The following OBSL1 variants were observed in gnomAD, a reference collection of about 807,000 sequenced individuals.
OBSL1 encodes the protein obscurin-like protein 1.
A neutral mutation model predicts 172.0 loss-of-function variants in OBSL1; 160 were observed. The ratio of observed to expected loss-of-function variants is 0.93; its 90% CI spans 0.82 to 1.06. The LOEUF (loss-of-function observed/expected upper bound fraction) is 1.06. Ranked by LOEUF, OBSL1 falls within the 50% of genes least tolerant of loss-of-function variation. OBSL1 has a pLI of 0.00. For missense variants in OBSL1, 2,681 were observed against 2,715.4 expected, an observed-to-expected ratio of 0.99 and a Z score of 0.28; for synonymous variants, 1,200 against 1,196.3, an observed-to-expected ratio of 1.00 and a Z score of -0.06.
In OBSL1 at chr2:219,553,004, A is replaced by G. The variant is rs1695747044; in HGVS notation, c.5010T>C (p.Pro1670=). Residue 1670 remains proline, a synonymous_variant, in exon 17 of 21, where the codon CCT becomes CCC. Coordinates refer to ENST00000404537, the MANE Select transcript of OBSL1 (RefSeq NM_015311.3). ...TWEKDGNALT[P]SPRLRLQALG... ...GGGCCTGGAGCCGGAGCCGCGGGCT[A>G]GGCGTAAGCGCGTTCCCGTCCTAGG... 1.3e-6 allele frequency: 2 copies of G among 1,522,976 alleles called. No homozygotes were observed. The highest frequency in any genetic ancestry group is 1.8e-6 in the Non-Finnish European group (2 of 1,140,718). 94.3% of individuals were successfully genotyped at this position (1,522,976 alleles called of 1,614,324 possible). A position where few individuals can be genotyped will look rare whatever the true frequency, so the allele number is the denominator to read the frequency against.
At position 219,558,374 on chromosome 2, in the gene OBSL1, C is replaced by T. The variant is rs1447230203; in HGVS notation, c.3312G>A (p.Glu1104=). 1 of 1,611,208 alleles carries T rather than the reference C, an allele frequency of 6.2e-7. No homozygotes were observed. ...GAPGRVELRC[E]VAPAGSQVRW... is the part of the protein sequence containing the mutation. ...GCACCTGAGACCCAGCTGGGGCCAC[C>T]TCACAGCGCAGCTCCACGCGCCCTG... Residue 1104 remains glutamate (E), a synonymous_variant, in exon 10 of 21, where the codon GAG becomes GAA. Coordinates refer to ENST00000404537, the MANE Select transcript of OBSL1 (RefSeq NM_015311.3).
downstream of OBSL1, chr2:219,549,434 G>A (rs1042398248): frequency 6.7e-6 from 10 of 1,494,712 alleles, no homozygotes; most frequent in African/African-American, 2.8e-5. Flanking sequence ...CTTTCCCCAC[G>A]GGCTGGTTGC....
Position 219,571,004 on chromosome 2 carries a change from T to TGGGCAGTGCGGCGGTCAGCAGC in OBSL1, c.207_228dup (p.Thr77AlafsTer184). 7.1e-7 allele frequency: 1 copy of TGGGCAGTGCGGCGGTCAGCAGC among 1,416,594 alleles called. No individual in the cohort carries two copies. The highest frequency in any genetic ancestry group is 9.2e-7 in the Non-Finnish European group (1 of 1,085,476). 87.8% of individuals were successfully genotyped at this position (1,416,594 alleles called of 1,614,324 possible). On this transcript the variant is annotated frameshift_variant, in exon 1 of 21. Transcript: ENST00000404537. LOFTEE classifies it high-confidence loss of function. ...CGGCACACGTAGACCCCCGCGTCGGTGGGCAGTGCGGCGGTCAGCAGCAGG... is the reference window on the plus strand; with the variant it reads ...CGGCACACGTAGACCCCCGCGTCGGTGGGCAGTGCGGCGGTCAGCAGCGGGCAGTGCGGCGGTCAGCAGCAGG...
At position 219,557,258 on chromosome 2, in the gene OBSL1, G is replaced by A. The variant is rs890677772; in HGVS notation, c.4066+85C>T. 101 of 1,321,876 alleles carry A rather than the reference G, an allele frequency of 7.6e-5. No individual in the cohort carries two copies. The Middle Eastern group carries it at 9.7e-4, about 13-fold the overall frequency. The allele number at this position is 1,321,876 out of a possible 1,614,324, so 81.9% of individuals were successfully genotyped here. A position where few individuals can be genotyped will look rare whatever the true frequency, so the allele number is the denominator to read the frequency against. On this transcript the variant is annotated intron_variant, in intron 12 of 20. Coordinates refer to ENST00000404537, the MANE Select transcript of OBSL1 (RefSeq NM_015311.3). Reference sequence around the variant, plus strand: ...GTTGGAGCCAGAAGCAGCAAAGCGGGGGTGGAGGAGTAAGGGGGCCCTAGA... The same window carrying A: ...GTTGGAGCCAGAAGCAGCAAAGCGGAGGTGGAGGAGTAAGGGGGCCCTAGA...
chr2:219,557,106 C>T, intron 12 of OBSL1: 2 of 500,686 alleles, frequency 4.0e-6, no homozygotes, highest in Non-Finnish European at 6.9e-6. Context: ...AGAATCTAGG[C>T]TGGAACCTGG....
In OBSL1 at chr2:219,559,455, A is replaced by C. The variant is rs1252475821; in HGVS notation, c.2996T>G (p.Leu999Trp). The C allele has an allele frequency of 6.2e-7, 1 of 1,613,716 alleles. No individual in the cohort carries two copies. The highest frequency in any genetic ancestry group is 8.5e-7 in the Non-Finnish European group (1 of 1,179,800). Residue 999 changes from leucine (L) to tryptophan (W), a missense_variant, in exon 9 of 21, where the codon TTG becomes TGG. By Grantham distance (61) the Leu-to-Trp change is moderately conservative (BLOSUM62 -2). This residue lies in a region of OBSL1 where 1,765 missense variants were observed against 1,748.3 expected (regional missense o/e 1.01). Transcript: ENST00000404537. ...CACACACTCCAAGGTCACGGCGATC[A>C]AGGTCACCTCATCGCGAGGGTATAT... Reference protein sequence around the residue: ...RIIYPRDEVTLIAVTLECVVL... With the variant: ...RIIYPRDEVTWIAVTLECVVL...
At chr2:219,551,155 G>A (rs1165309466) in intron 20 of OBSL1, 5 of 1,397,150 alleles carry the variant, frequency 3.6e-6, no homozygotes, top group South Asian at 1.6e-5. Context: ...GGCAAGCTGG[G>A]CAGAGGGCAG....
At chr2:219,554,446 A>C (rs533575462) in intron 15 of OBSL1, 28 bp downstream of exon 15, 1 of 1,609,500 alleles carries the variant, frequency 6.2e-7, no homozygotes, top group East Asian at 2.2e-5. Context: ...ACAGGTCAGC[A>C]GGCAGGCTGT....
chr2:219,565,580 C>G, intron 5 of OBSL1, 66 bp from the exon 6 acceptor site: 2 of 1,503,568 alleles, frequency 1.3e-6, no homozygotes, highest in Non-Finnish European at 1.8e-6. Context: ...TCGGATGCAT[C>G]AGAGGGAACA....
In OBSL1 at chr2:219,562,890, C is replaced by T. The variant is rs1696593318; in HGVS notation, c.2681-216G>A. On this transcript the variant is annotated intron_variant, in intron 7 of 20. Transcript: ENST00000404537. ...CAGACTTTCTGCTGCGCAGGAGCTG[C>T]ACAGAGGGGACCACGGGGTCAGCCT... 1.0e-5 allele frequency: 6 copies of T among 601,944 alleles called. No individual in the cohort carries two copies. In the South Asian group the frequency reaches 1.3e-4, roughly 14 times the overall value. The allele number at this position is 601,944 out of a possible 1,614,324, so 37.3% of individuals were successfully genotyped here.
rs1365486142 is a variant in OBSL1 at position 219,555,803 on chromosome 2, A to T, written c.4609+217T>A. 5 of 1,396,504 alleles carry T rather than the reference A, an allele frequency of 3.6e-6. No individual in the cohort carries two copies. In the East Asian group the frequency reaches 1.0e-4, roughly 29 times the overall value. The allele number at this position is 1,396,504 out of a possible 1,614,324, so 86.5% of individuals were successfully genotyped here. A position where few individuals can be genotyped will look rare whatever the true frequency, so the allele number is the denominator to read the frequency against. ...TTTATAGCAAAGCCGACTTGGAAATATGCAATGGAATGCAAAATCCACATG... is the reference window on the plus strand; with the variant it reads ...TTTATAGCAAAGCCGACTTGGAAATTTGCAATGGAATGCAAAATCCACATG... On this transcript the variant is annotated intron_variant, in intron 14 of 20. Coordinates refer to ENST00000404537, the MANE Select transcript of OBSL1 (RefSeq NM_015311.3).
In OBSL1 at chr2:219,567,292, G is replaced by A. The variant is rs61732787; in HGVS notation, c.1818C>T (p.Phe606=). 0.23 allele frequency: 374,882 copies of A among 1,596,950 alleles called. 46,161 individuals are homozygous for A. The highest frequency in any genetic ancestry group is 0.3 in the South Asian group (26,606 of 90,082). Residue 606 remains phenylalanine, a synonymous_variant, in exon 4 of 21, where the codon TTC becomes TTT. Coordinates refer to ENST00000404537, the MANE Select transcript of OBSL1 (RefSeq NM_015311.3). The part of the protein sequence containing the change: ...SGHGRSPHVV[F]HGSAHLVPTA... ...ACTCACCAAGGTGAGCAGAACCGTG[G>A]AACACCACGTGGGGACTACGGCCAT...
chr2:219,564,260 G>A lies in OBSL1; in HGVS notation c.2408-633C>T, dbSNP rs1299206875. On this transcript the variant is annotated intron_variant, in intron 6 of 20. Coordinates refer to ENST00000404537, the MANE Select transcript of OBSL1 (RefSeq NM_015311.3). ...TCCAGGGATTTATAACCAGCTTCCAGGAGCTTCCTAAAGCAGCCAGCCTAC... is the reference window on the plus strand; with the variant it reads ...TCCAGGGATTTATAACCAGCTTCCAAGAGCTTCCTAAAGCAGCCAGCCTAC... 2.0e-5 allele frequency among the ~76,000 whole-genome samples: 3 copies of A among 152,232 alleles called. No homozygotes were observed. In the East Asian group the frequency reaches 5.8e-4, roughly 29 times the overall value.
chr2:219,548,994 G>T (rs12996978), downstream of OBSL1: 17 of 730,346 alleles, frequency 2.3e-5, no homozygotes, highest in Non-Finnish European at 3.7e-5. Context: ...TCCTCTGAGA[G>T]GTAGGAGACC....
Position 219,552,584 on chromosome 2 carries a change from C to T in OBSL1, c.5260G>A (p.Gly1754Arg). The T allele has an allele frequency of 6.3e-7, 1 of 1,590,518 alleles. No individual in the cohort carries two copies. The part of the protein sequence containing the change: ...EVETTGRWEL[G>R]GRPLRPGARV... The stretch of plus-strand genomic sequence containing the variant: ...GCTCCGGGTCTCAGCGGGCGGCCTC[C>T]GAGCTCCCAGCGCCCCGTGGTCTCG... The change falls in exon 18 of 21, where the codon GGA (glycine) becomes AGA (arginine). Residue 1754 changes from glycine to arginine, a missense_variant. Around this residue, in one of 5 missense-constraint regions of OBSL1, gnomAD observed 1,765 missense variants for 1,748.3 expected, o/e 1.01. Transcript: ENST00000404537.
rs745734924 is a variant in OBSL1, at chr2:219,551,738, C to G, written c.5474G>C (p.Arg1825Pro). Residue 1825 changes from arginine to proline, a missense_variant, in exon 20 of 21, where the codon CGG (arginine) becomes CCG (proline). Physicochemically the swap from Arg to Pro is moderately radical, Grantham distance 103 (BLOSUM62 -2). Coordinates refer to ENST00000404537, the MANE Select transcript of OBSL1 (RefSeq NM_015311.3). ...PREKTVLVGR[R>P]AVLEVTVSRS... ...GGACACAGTCACCTCCAGCACCGCCCGGCGGCCCACCAGAACGGTCTTCTC... is the reference window on the plus strand; with the variant it reads ...GGACACAGTCACCTCCAGCACCGCCGGGCGGCCCACCAGAACGGTCTTCTC... 1 of 1,601,506 alleles carries G rather than the reference C, an allele frequency of 6.2e-7. No homozygotes were observed.
chr2:219,557,410 G>A lies in OBSL1; in HGVS notation c.3999C>T (p.Ser1333=), dbSNP rs1344845227. Residue 1333 remains serine (S), a synonymous_variant, in exon 12 of 21, where the codon AGC becomes AGT. Coordinates refer to ENST00000404537, the MANE Select transcript of OBSL1 (RefSeq NM_015311.3). The part of the protein sequence containing the change: ...RQVLRVQGAR[S]GDAGEYLCDA... ...CGCACAGGTACTCCCCAGCGTCCCC[G>A]CTCCGTGCCCCCTGCACCCGCAGCA... 39 of 1,547,600 alleles carry A rather than the reference G, an allele frequency of 2.5e-5. No homozygotes were observed. The highest frequency in any genetic ancestry group is 2.7e-5 in the African/African-American group (2 of 73,196).
chr2:219,549,293 A>ATG, downstream of OBSL1: 1 of 1,613,370 alleles, frequency 6.2e-7, no homozygotes, highest in Admixed American at 1.7e-5. Context: ...GGGCCACCAG[A>ATG]CCCTGCTTAT....
Position 219,557,842 on chromosome 2 carries a change from G to A in OBSL1, c.3771C>T (p.Ser1257=), listed in dbSNP as rs750032343. The stretch of plus-strand genomic sequence containing the variant: ...ACTCACCAGCCACCTGGACGGTGAA[G>A]CTGAGGCTTGGGGCTCCGGGGGCTG... The part of the protein sequence containing the change: ...SGAAPGAPSL[S]FTVQVAEPPV... Residue 1257 remains serine (S), a synonymous_variant, in exon 11 of 21, where the codon AGC becomes AGT. Coordinates refer to ENST00000404537, the MANE Select transcript of OBSL1 (RefSeq NM_015311.3). 2 of 1,599,268 alleles carry A rather than the reference G, an allele frequency of 1.3e-6. No homozygotes were observed. Among genetic ancestry groups the A allele is most frequent in the Non-Finnish European group, 1.7e-6 (2 of 1,179,328 alleles).
Sources: gnomAD v4.1 joint callset for allele counts (sites outside exome capture counted in the v4.1 genomes callset) on GRCh38, gnomAD v4.1.1 for gene constraint, gnomAD v4.1.1 regional missense constraint, MANE v1.5 for transcripts, NCBI Gene and HGNC (gene_info 2026-07-23, HGNC 2026-07-21) for gene names.